The following SP1 variants were observed in gnomAD, a reference collection of about 807,000 sequenced individuals.
SP1 encodes Sp1 transcription factor.
Under a neutral mutation model 66.3 loss-of-function variants are expected in SP1, and 6 were observed. That is an observed-to-expected ratio of 0.09 (90% confidence interval 0.05 to 0.18). SP1 has a LOEUF of 0.18. SP1 is among the 10% of genes least tolerant of loss of function. The pLI is 1.00. For missense variants in SP1, 848 were observed against 964.5 expected (o/e 0.88, Z 1.60); for synonymous variants, 417 against 360.8 (o/e 1.16, Z -1.77).
intron 3 of SP1, among the ~76,000 whole-genome samples, chr12:53,404,827 T>C (rs1406607334): frequency 6.6e-6 from 1 of 151,908 alleles, no homozygotes; most frequent in Non-Finnish European, 1.5e-5. Context: ...CATGCCACCA[T>C]GCCCAGCTAA....
intron 3 of SP1, among the ~76,000 whole-genome samples, chr12:53,394,551 G>A (rs11170532): frequency 0.18 from 26,112 of 146,220 alleles, 2,486 homozygotes; most frequent in African/African-American, 0.2. Context: ...TACGGATATC[G>A]GCCACTGTGC....
chr12:53,393,863 G>T (rs1592562479), intron 3 of SP1, among the ~76,000 whole-genome samples: 1 of 151,666 alleles, frequency 6.6e-6, no homozygotes, highest in Non-Finnish European at 1.5e-5. Context: ...CTCCCAAAGT[G>T]CTGGGATTAC....
chr12:53,389,159 T>C (rs1365384205), intron 3 of SP1, among the ~76,000 whole-genome samples: 7 of 151,884 alleles, frequency 4.6e-5, no homozygotes, highest in Non-Finnish European at 1.0e-4. Flanking sequence ...TTGTGGAAGA[T>C]TGCAGCTTCC....
intron 3 of SP1, among the ~76,000 whole-genome samples, chr12:53,397,162 C>T (rs1938509103): frequency 6.6e-6 from 1 of 151,800 alleles, no homozygotes; most frequent in South Asian, 2.1e-4. Flanking sequence ...CAGGCGCCTG[C>T]CACCACGCCT....
intron 3 of SP1, among the ~76,000 whole-genome samples, chr12:53,384,227 C>T (rs1310848801): frequency 1.3e-5 from 2 of 151,970 alleles, no homozygotes; most frequent in Non-Finnish European, 2.9e-5. Flanking sequence ...CCTCGGCCTC[C>T]CAAAGTGCTG....
intron 5 of SP1, among the ~76,000 whole-genome samples, chr12:53,410,169 C>CTGG (rs1045832108): frequency 1.7e-4 from 25 of 150,834 alleles, no homozygotes; most frequent in South Asian, 6.3e-4. Flanking sequence ...GTCAAGCGTG[C>CTGG]TGGTGCACAC....
intron 4 of SP1, 98 bp from the exon 5 acceptor site, chr12:53,409,264 G>T: frequency 2.1e-6 from 2 of 942,294 alleles, no homozygotes; most frequent in Non-Finnish European, 3.2e-6. Context: ...ATAAAAGTTT[G>T]GGTTAGTTTG....
chr12:53,414,111 A>T lies in SP1; in HGVS notation c.*2871A>T, dbSNP rs1938949277. 1 of 146,674 alleles carries T rather than the reference A, an allele frequency of 6.8e-6. No homozygotes were observed. Among genetic ancestry groups the T allele is most frequent in the Admixed American group, 6.9e-5 (1 of 14,436 alleles). 9.1% of individuals were successfully genotyped at this position (146,674 alleles called of 1,614,324 possible). ...TTACAGAAAAACCCCGTTTCCCTGAACTTTTGGCTAACAGAAATTAATTTA... is the reference window on the plus strand; with the variant it reads ...TTACAGAAAAACCCCGTTTCCCTGATCTTTTGGCTAACAGAAATTAATTTA... On this transcript the variant is annotated 3_prime_UTR_variant, in exon 6 of 6. Transcript: ENST00000327443.
chr12:53,390,549 G>A (rs1438234517), intron 3 of SP1, among the ~76,000 whole-genome samples: 1 of 152,082 alleles, frequency 6.6e-6, no homozygotes, highest in African/African-American at 2.4e-5. Context: ...CGGGCATGGC[G>A]GCGCGCACCT....
chr12:53,410,772 C>T (rs1938866263), intron 5 of SP1, among the ~76,000 whole-genome samples, 155 bp from the exon 6 acceptor site: 1 of 152,202 alleles, frequency 6.6e-6, no homozygotes, highest in African/African-American at 2.4e-5. Context: ...GGATTACAAG[C>T]GTGAGCCACC....
intron 3 of SP1, among the ~76,000 whole-genome samples, chr12:53,401,457 G>GAAAAA: frequency 1.2e-5 from 1 of 81,130 alleles, no homozygotes; most frequent in Non-Finnish European, 2.4e-5. Context: ...ATCTATCTGG[G>GAAAAA]AAAAAAAAAA....
Position 53,382,261 on chromosome 12 carries a change from A to G in SP1, c.314A>G (p.Asn105Ser), listed in dbSNP as rs775622089. ...GCCACACAACTTTCACAGGGTGCCAATGGCTGGCAGATCATCTCTTCCTCC... is the reference window on the plus strand; with the variant it reads ...GCCACACAACTTTCACAGGGTGCCAGTGGCTGGCAGATCATCTCTTCCTCC... Reference protein sequence around the residue: ...LTATQLSQGANGWQIISSSSG... With the variant: ...LTATQLSQGASGWQIISSSSG... Residue 105 changes from asparagine (N) to serine (S), a missense_variant, in exon 3 of 6, where the codon AAT (asparagine) becomes AGT (serine). Around this residue, in one of 7 missense-constraint regions of SP1, gnomAD observed 606 missense variants for 589.9 expected, o/e 1.03. Coordinates refer to ENST00000327443, the MANE Select transcript of SP1 (RefSeq NM_138473.3). 9.3e-6 allele frequency: 15 copies of G among 1,614,062 alleles called. No individual in the cohort carries two copies. The African/African-American group carries it at 9.3e-5, about 10-fold the overall frequency.
rs1213146025 is a variant in SP1 at position 53,410,450 on chromosome 12, C to CT, written c.2045-474dup. Among the ~76,000 whole-genome samples, 8 of 152,168 alleles carry CT rather than the reference C, an allele frequency of 5.3e-5. No homozygotes were observed. The East Asian group carries it at 1.5e-3, about 29-fold the overall frequency. ...CCTTCCTTACCGAGTACTCCCCAAC[C>CT]TTTATCTAGTTTTCTTCCTCACGCC... On this transcript the variant is annotated intron_variant, in intron 5 of 5. Coordinates refer to ENST00000327443, the MANE Select transcript of SP1 (RefSeq NM_138473.3).
chr12:53,380,396 C>A, intron 1 of SP1, 98 bp downstream of exon 1: 3 of 1,047,756 alleles, frequency 2.9e-6, no homozygotes, highest in Non-Finnish European at 2.5e-6. Flanking sequence ...CGGGGGCGGG[C>A]GGGAGGCGGC....
chr12:53,385,609 TAA>T (rs1419734766), intron 3 of SP1, among the ~76,000 whole-genome samples: 25 of 96,694 alleles, frequency 2.6e-4, no homozygotes, highest in South Asian at 9.5e-4. Context: ...AAAAAAAAAA[TAA>T]ATAAAAATAA....
In SP1 at chr12:53,406,516, G is replaced by C; in HGVS notation, c.1676-69G>C. The C allele has an allele frequency of 3.9e-6, 5 of 1,279,086 alleles. No individual in the cohort carries two copies. The South Asian group carries it at 6.2e-5, about 16-fold the overall frequency. The allele number at this position is 1,279,086 out of a possible 1,614,324, so 79.2% of individuals were successfully genotyped here. ...CAAAAGAAATGATGTTGTGACTGTA[G>C]GGTATCACTGAGATGCCAGTGATAA... On this transcript the variant is annotated intron_variant, in intron 3 of 5. Coordinates refer to ENST00000327443, the MANE Select transcript of SP1 (RefSeq NM_138473.3).
At chr12:53,392,540 G>T (rs1402309410) in intron 3 of SP1, among the ~76,000 whole-genome samples, 1 of 151,030 alleles carries the variant, frequency 6.6e-6, no homozygotes, top group Non-Finnish European at 1.5e-5. Context: ...TGTATTTTTA[G>T]TAGAGACGGG....
rs953296480 is a variant in SP1 at position 53,406,992 on chromosome 12, CT to C, written c.1844+246del. Among the ~76,000 whole-genome samples, 17 of 151,854 alleles carry C rather than the reference CT, an allele frequency of 1.1e-4. 1 individual carries two copies. The highest frequency in any genetic ancestry group is 3.9e-4 in the African/African-American group (16 of 41,432). ...GGCACCTGTCACCACACCCAGCTAT[CT>C]TTTTTTATTTTTAGTAGAGACAGGG... On this transcript the variant is annotated intron_variant, in intron 4 of 5. Coordinates refer to ENST00000327443, the MANE Select transcript of SP1 (RefSeq NM_138473.3).
chr12:53,386,342 T>C (rs996950437), intron 3 of SP1, among the ~76,000 whole-genome samples: 4 of 151,976 alleles, frequency 2.6e-5, no homozygotes, highest in Non-Finnish European at 4.4e-5. Context: ...GAGGAGAGCA[T>C]TGAAGGGAAA....
Sources: allele counts gnomAD v4.1 joint callset (sites outside exome capture counted in the v4.1 genomes callset), GRCh38; gene constraint gnomAD v4.1.1; regional missense constraint gnomAD v4.1.1; transcripts MANE v1.5; gene names NCBI Gene and HGNC (gene_info 2026-07-23, HGNC 2026-07-21).